Variants in PPP2R2B observed in about 807,000 individuals in gnomAD.
The protein encoded by PPP2R2B is protein phosphatase 2 regulatory subunit Bbeta, also known as serine/threonine-protein phosphatase 2A 55 kDa regulatory subunit B beta isoform.
In PPP2R2B, 5 loss-of-function variants were observed where a neutral mutation model predicts 46.0. The ratio of observed to expected loss-of-function variants is 0.11; its 90% CI spans 0.06 to 0.23. PPP2R2B has a LOEUF of 0.23. PPP2R2B is among the 10% of genes least tolerant of loss of function. The pLI is 1.00. For missense variants in PPP2R2B, 367 were observed against 575.0 expected (o/e 0.64, Z 3.70); for synonymous variants, 215 against 206.7 (o/e 1.04, Z -0.34).
intron 2 of PPP2R2B, among the ~76,000 whole-genome samples, chr5:146,774,689 T>A (rs1314428092): frequency 6.6e-6 from 1 of 151,822 alleles, no homozygotes; most frequent in Non-Finnish European, 1.5e-5. Flanking sequence ...TGGTGGTGCA[T>A]GCCAGTAGCC....
chr5:146,582,162 T>TG lies in PPP2R2B; in HGVS notation c.*7784dup, dbSNP rs1769926197. The TG allele has an allele frequency of 6.6e-6, 1 of 152,198 alleles. No individual in the cohort carries two copies. Among genetic ancestry groups the TG allele is most frequent in the Non-Finnish European group, 1.5e-5 (1 of 68,044 alleles). 9.4% of individuals were successfully genotyped at this position (152,198 alleles called of 1,614,324 possible). ...TGTGCTCAGCTCTGAAAGATTTCTT[T>TG]GGGGGTCTTGCCTTTCCCTAAGAAC... On this transcript the variant is annotated 3_prime_UTR_variant, in exon 10 of 10. Coordinates refer to ENST00000394411, the MANE Select transcript of PPP2R2B (RefSeq NM_181675.4).
chr5:146,674,454 C>T (rs555070137), intron 5 of PPP2R2B, among the ~76,000 whole-genome samples: 7 of 152,266 alleles, frequency 4.6e-5, no homozygotes, highest in South Asian at 4.1e-4. Context: ...CAATTTTGAA[C>T]AAACAATTAT....
At chr5:147,065,899 C>CA (rs1398212088) in intron 2 of PPP2R2B, among the ~76,000 whole-genome samples, 2 of 152,016 alleles carry the variant, frequency 1.3e-5, no homozygotes, top group African/African-American at 4.8e-5. Context: ...TGCCAACAAG[C>CA]ATTATCTCCT....
chr5:147,070,390 C>A (rs1757553117), intron 2 of PPP2R2B, among the ~76,000 whole-genome samples: 1 of 152,152 alleles, frequency 6.6e-6, no homozygotes, highest in Non-Finnish European at 1.5e-5. Context: ...AAGGCGTAAT[C>A]CTTACTTGAA....
intron 2 of PPP2R2B, among the ~76,000 whole-genome samples, chr5:146,837,194 C>T (rs1455132283): frequency 6.6e-6 from 1 of 152,088 alleles, no homozygotes; most frequent in Non-Finnish European, 1.5e-5. Flanking sequence ...TTTTCACTTT[C>T]AGTACAGTAT....
At chr5:146,922,638 A>G (rs1009907270) in intron 1 of PPP2R2B, 1 of 152,164 alleles carries the variant, frequency 6.6e-6, no homozygotes, top group Non-Finnish European at 1.5e-5. Context: ...CTCTCAGCAC[A>G]TAGCATTCTC....
intron 7 of PPP2R2B, among the ~76,000 whole-genome samples, chr5:146,617,750 A>G (rs1272932217): frequency 6.7e-6 from 1 of 149,292 alleles, no homozygotes; most frequent in Non-Finnish European, 1.5e-5. Context: ...GCTGGAGTGC[A>G]GTGGCGCGAT....
intron 1 of PPP2R2B, among the ~76,000 whole-genome samples, chr5:146,956,402 T>G (rs1751912009): frequency 6.6e-6 from 1 of 152,174 alleles, no homozygotes; most frequent in Non-Finnish European, 1.5e-5. Flanking sequence ...ATAATTGCCC[T>G]GGTCACTCCC....
Position 146,598,861 on chromosome 5 carries a change from AC to A in PPP2R2B, c.960+1429del, listed in dbSNP as rs372180638. On this transcript the variant is annotated intron_variant, in intron 8 of 9. Transcript: ENST00000394411. ...CCCACAGTTTCTCCTCCCCAGCACA[AC>A]CAGAATGTTCATTTAAAAATGTCAA... 2.3e-3 allele frequency among the ~76,000 whole-genome samples: 357 copies of A among 152,224 alleles called. 1 individual carries two copies. The highest frequency in any genetic ancestry group is 7.8e-3 in the African/African-American group (325 of 41,542).
At chr5:146,703,033 T>C (rs1358130225) in intron 2 of PPP2R2B, among the ~76,000 whole-genome samples, 2 of 152,230 alleles carry the variant, frequency 1.3e-5, no homozygotes, top group African/African-American at 4.8e-5. Flanking sequence ...AGTTTGCCCA[T>C]CTTAGCAAAC....
chr5:146,915,074 A>C (rs1763332027), intron 1 of PPP2R2B, among the ~76,000 whole-genome samples: 1 of 152,098 alleles, frequency 6.6e-6, no homozygotes, highest in African/African-American at 2.4e-5. Flanking sequence ...TATGTACTAC[A>C]TTGCTCTCAG....
chr5:146,706,893 T>A (rs1779895983), intron 2 of PPP2R2B: 1 of 1,272,868 alleles, frequency 7.9e-7, no homozygotes, highest in East Asian at 2.3e-5. Flanking sequence ...ACCACAGACG[T>A]GTCCGAGATC....
At chr5:147,017,050 G>A (rs1406803276) in intron 1 of PPP2R2B, among the ~76,000 whole-genome samples, 1 of 151,566 alleles carries the variant, frequency 6.6e-6, no homozygotes. Context: ...GCTGCAGGGT[G>A]GAGGCTAGAT....
intron 2 of PPP2R2B, among the ~76,000 whole-genome samples, chr5:146,807,493 T>C (rs1757246867): frequency 6.6e-6 from 1 of 152,202 alleles, no homozygotes. Flanking sequence ...TATTAAAAGA[T>C]AATGTCAAAG....
chr5:146,676,123 C>A (rs1434041584), intron 5 of PPP2R2B, among the ~76,000 whole-genome samples: 1 of 151,970 alleles, frequency 6.6e-6, no homozygotes, highest in African/African-American at 2.4e-5. Flanking sequence ...GGCAACATGG[C>A]CAAACTGACA....
At chr5:146,846,451 G>A (rs554309207) in intron 2 of PPP2R2B, among the ~76,000 whole-genome samples, 12 of 152,028 alleles carry the variant, frequency 7.9e-5, no homozygotes, top group South Asian at 2.1e-4. Flanking sequence ...AGGCCGAGAC[G>A]GGTGGATCAT....
chr5:146,819,412 C>T (rs1758124050), intron 2 of PPP2R2B, among the ~76,000 whole-genome samples: 1 of 152,076 alleles, frequency 6.6e-6, no homozygotes, highest in Admixed American at 6.5e-5. Context: ...TGGGAGTATG[C>T]AGAGAGAGAC....
chr5:146,594,933 C>G (rs1054142528), intron 8 of PPP2R2B, among the ~76,000 whole-genome samples: 1 of 152,188 alleles, frequency 6.6e-6, no homozygotes, highest in Non-Finnish European at 1.5e-5. Context: ...TCTCTTCCTT[C>G]GACTCCAACA....
chr5:146,596,375 A>G (rs1198447192), intron 8 of PPP2R2B, among the ~76,000 whole-genome samples: 1 of 144,548 alleles, frequency 6.9e-6, no homozygotes, highest in Non-Finnish European at 1.5e-5. Flanking sequence ...CTGATCTTTC[A>G]TTAACTAATT....
Sources: gnomAD v4.1 joint callset for allele counts (sites outside exome capture counted in the v4.1 genomes callset) on GRCh38, gnomAD v4.1.1 for gene constraint, MANE v1.5 for transcripts, NCBI Gene and HGNC (gene_info 2026-07-23, HGNC 2026-07-21) for gene names.